KIDINS220: variants seen among roughly 807,000 people sequenced by gnomAD.
KIDINS220 encodes the protein kinase D-interacting substrate of 220 kDa.
Under a neutral mutation model 157.6 loss-of-function variants are expected in KIDINS220, and 63 were observed. The observed-to-expected ratio is 0.40, with a 90% CI of 0.33 to 0.49. KIDINS220 has a LOEUF of 0.49. KIDINS220 is among the 20% of genes least tolerant of loss of function. The probability of loss-of-function intolerance (pLI) is 0.66; values close to 1 mark genes in which losing one functional copy is unlikely to be tolerated. For synonymous variants in KIDINS220, 732 were observed against 783.6 expected, an observed-to-expected ratio of 0.93 and a Z score of 1.10; for missense variants, 1,772 against 2,171.2, an observed-to-expected ratio of 0.82 and a Z score of 3.65.
intron 5 of KIDINS220, among the ~76,000 whole-genome samples, chr2:8,812,870 T>C (rs1676515468): frequency 6.6e-6 from 1 of 152,230 alleles, no homozygotes; most frequent in South Asian, 2.1e-4. Flanking sequence ...TGTAAATATA[T>C]ATAACAGAAT....
chr2:8,795,320 A>G (rs1365517797), intron 11 of KIDINS220, among the ~76,000 whole-genome samples: 1 of 152,168 alleles, frequency 6.6e-6, no homozygotes, highest in Non-Finnish European at 1.5e-5. Context: ...CTCAATTCCA[A>G]TTCTCATCCC....
chr2:8,764,477 G>A (rs1229686370), intron 22 of KIDINS220, among the ~76,000 whole-genome samples: 1 of 152,154 alleles, frequency 6.6e-6, no homozygotes, highest in African/African-American at 2.4e-5. Context: ...CCTTAGAAAT[G>A]CAGCTGAACT....
chr2:8,789,799 A>G, intron 14 of KIDINS220, 81 bp downstream of exon 14: 1 of 1,070,374 alleles, frequency 9.3e-7, no homozygotes, highest in Non-Finnish European at 1.3e-6. Context: ...TTTAAAAGAC[A>G]GATAAAGAAA....
At chr2:8,789,356 C>T (rs1380028715) in intron 14 of KIDINS220, among the ~76,000 whole-genome samples, 2 of 51,064 alleles carry the variant, frequency 3.9e-5, no homozygotes, top group Non-Finnish European at 1.3e-4. Context: ...GGCGCCATCT[C>T]GGCTCACTGC....
In KIDINS220 at chr2:8,758,207, A is replaced by G. The variant is rs557272015; in HGVS notation, c.3012-6563T>C. Among the ~76,000 whole-genome samples the G allele has an allele frequency of 2.0e-5, 3 of 152,318 alleles. No individual in the cohort carries two copies. In the South Asian group the frequency reaches 6.2e-4, roughly 32 times the overall value. On this transcript the variant is annotated intron_variant, in intron 22 of 29. Coordinates refer to ENST00000256707, the MANE Select transcript of KIDINS220 (RefSeq NM_020738.4). Reference sequence around the variant, plus strand: ...TGCCGTCTCAACATTAAATCTGATGATAGGAATGTTAGTAATGACTTTTCC... The same window carrying G: ...TGCCGTCTCAACATTAAATCTGATGGTAGGAATGTTAGTAATGACTTTTCC...
downstream of KIDINS220, chr2:8,725,126 A>G (rs1663193312): frequency 6.6e-6 from 1 of 152,256 alleles, no homozygotes; most frequent in African/African-American, 2.4e-5. Flanking sequence ...AACTCAGGTA[A>G]AAGGAGAAAA....
chr2:8,779,891 T>C (rs1364155976), intron 17 of KIDINS220, 77 bp from the exon 18 acceptor site: 17 of 1,474,458 alleles, frequency 1.2e-5, no homozygotes, highest in Non-Finnish European at 1.4e-5. Flanking sequence ...GAAAGCGTGA[T>C]AGAAAGTCAT....
chr2:8,750,907 A>G (rs2148050915), intron 23 of KIDINS220, among the ~76,000 whole-genome samples: 1 of 152,244 alleles, frequency 6.6e-6, no homozygotes, highest in South Asian at 2.1e-4. Context: ...TGTCATACAA[A>G]AGACTGTTTC....
chr2:8,830,269 T>A (rs970097269), intron 1 of KIDINS220, among the ~76,000 whole-genome samples: 1 of 152,202 alleles, frequency 6.6e-6, no homozygotes, highest in African/African-American at 2.4e-5. Flanking sequence ...TTATTTCCCA[T>A]AACCACACTA....
intron 29 of KIDINS220, among the ~76,000 whole-genome samples, chr2:8,732,289 G>A (rs1358207601): frequency 6.6e-6 from 1 of 152,112 alleles, no homozygotes; most frequent in Non-Finnish European, 1.5e-5. Context: ...TAAGAGACAG[G>A]ATCTTGCTGT....
intron 12 of KIDINS220, among the ~76,000 whole-genome samples, 196 bp downstream of exon 12, chr2:8,793,614 C>A (rs1431731765): frequency 2.6e-5 from 4 of 152,170 alleles, no homozygotes; most frequent in Non-Finnish European, 5.9e-5. Context: ...ATTTTTTAAT[C>A]TTTTTGTGGA....
chr2:8,730,384 T>G lies in KIDINS220; in HGVS notation c.*336A>C. 9.4e-7 allele frequency: 1 copy of G among 1,058,262 alleles called. No homozygotes were observed. The highest frequency in any genetic ancestry group is 1.1e-6 in the Non-Finnish European group (1 of 878,378). 65.6% of individuals were successfully genotyped at this position (1,058,262 alleles called of 1,614,324 possible). ...AAGGGTCTCTAGCTTTTTTTCTTTT[T>G]GGCACATTAAGCCCTTTAAAATACT... is the stretch of plus-strand genomic sequence containing the variant. On this transcript the variant is annotated 3_prime_UTR_variant, in exon 30 of 30. Coordinates refer to ENST00000256707, the MANE Select transcript of KIDINS220 (RefSeq NM_020738.4).
intron 26 of KIDINS220, among the ~76,000 whole-genome samples, chr2:8,743,596 C>T (rs1321301125): frequency 1.3e-5 from 2 of 152,198 alleles, no homozygotes; most frequent in Admixed American, 6.5e-5. Flanking sequence ...CTGACTAAGT[C>T]GTGTTCAGGA....
chr2:8,732,107 A>G (rs1664211372), intron 29 of KIDINS220, 125 bp from the exon 30 acceptor site: 2 of 813,770 alleles, frequency 2.5e-6, no homozygotes, highest in African/African-American at 1.7e-5. Context: ...AAATTCTTTT[A>G]AAAGAATTCT....
intron 25 of KIDINS220, 47 bp downstream of exon 25, chr2:8,747,840 A>G: frequency 1.7e-6 from 2 of 1,199,640 alleles, no homozygotes; most frequent in South Asian, 2.9e-5. Flanking sequence ...AATGCTATCT[A>G]TGTTTATTAT....
chr2:8,741,220 G>A (rs1175390067), intron 26 of KIDINS220, among the ~76,000 whole-genome samples: 1 of 152,160 alleles, frequency 6.6e-6, no homozygotes, highest in African/African-American at 2.4e-5. Flanking sequence ...GAAATACTAG[G>A]TCAAAGCTGA....
At position 8,809,974 on chromosome 2, in the gene KIDINS220, C is replaced by T. The variant is rs76347258; in HGVS notation, c.504+2421G>A. On this transcript the variant is annotated intron_variant, in intron 6 of 29. Transcript: ENST00000256707. ...AAAGGTAGCTCCACCTGCAGCCCAG[C>T]TTCCTCCTCCCACCCATCTCCTCAC... is the stretch of plus-strand genomic sequence containing the variant. Among the ~76,000 whole-genome samples, 1,054 of 152,228 alleles carry T rather than the reference C, an allele frequency of 6.9e-3. 4 individuals carry two copies. Among genetic ancestry groups the T allele is most frequent in the Non-Finnish European group, 0.011 (737 of 68,000 alleles).
rs1282244760 is a variant in KIDINS220 at position 8,731,481 on chromosome 2, G to A, written c.4555C>T (p.Leu1519Phe). ...CCAGATTCATCCTCGTCACTTGGGA[G>A]TTTTTGATAGCGCAGCCCACTTCCC... ...LKGSGLRYQK[L>F]PSDEDESGTE... The change falls in exon 30 of 30, where the codon CTC becomes TTC. Residue 1519 changes from leucine to phenylalanine, a missense_variant. Physicochemically the swap from Leu to Phe is conservative, Grantham distance 22 (BLOSUM62 0). Around this residue, in one of 3 missense-constraint regions of KIDINS220, gnomAD observed 793 missense variants for 885.5 expected, o/e 0.90. Transcript: ENST00000256707. This position sits in a 1 kb window ranked among gnomAD's most constrained non-coding sequence, Gnocchi z 5.2. 1.9e-6 allele frequency: 3 copies of A among 1,614,166 alleles called. No individual in the cohort carries two copies. Among genetic ancestry groups the A allele is most frequent in the Non-Finnish European group, 2.5e-6 (3 of 1,180,042 alleles).
At chr2:8,762,371 C>T (rs971871739) in intron 22 of KIDINS220, among the ~76,000 whole-genome samples, 15 of 152,126 alleles carry the variant, frequency 9.9e-5, no homozygotes, top group African/African-American at 3.4e-4. Context: ...CTTCATTCTA[C>T]GTTTGCATTA....
Sources: gnomAD v4.1 joint callset for allele counts (sites outside exome capture counted in the v4.1 genomes callset) on GRCh38, gnomAD v4.1.1 for gene constraint, gnomAD v4.1.1 regional missense constraint, Gnocchi (gnomAD v3.1) non-coding constraint, MANE v1.5 for transcripts, NCBI Gene and HGNC (gene_info 2026-07-23, HGNC 2026-07-21) for gene names.